Variants in AHI1 observed in about 807,000 individuals in gnomAD.
AHI1 encodes the protein jouberin.
Under a neutral mutation model 149.3 loss-of-function variants are expected in AHI1, and 123 were observed. That is an observed-to-expected ratio of 0.82 (90% confidence interval 0.71 to 0.96). The LOEUF (loss-of-function observed/expected upper bound fraction) is 0.96, where lower values mean the gene tolerates loss of function less well. Ranked by LOEUF, AHI1 falls within the 40% of genes least tolerant of loss-of-function variation. The probability of loss-of-function intolerance (pLI) is 0.00; values close to 1 mark genes in which losing one functional copy is unlikely to be tolerated. For synonymous variants in AHI1, 475 were observed against 459.8 expected (o/e 1.03, Z -0.42); for missense variants, 1,439 against 1,422.7 (o/e 1.01, Z -0.18).
At chr6:135,414,880 T>C (rs1023565345) in intron 20 of AHI1, among the ~76,000 whole-genome samples, 7 of 151,782 alleles carry the variant, frequency 4.6e-5, no homozygotes, top group African/African-American at 7.3e-5. Flanking sequence ...TAGTTACATA[T>C]GTATACATGT....
chr6:135,455,938 A>AAGAT lies in AHI1; in HGVS notation c.1152-16_1152-13dup, dbSNP rs1788874457. On this transcript the variant is annotated splice_polypyrimidine_tract_variant and intron_variant, in intron 9 of 28. Coordinates refer to ENST00000265602, the MANE Select transcript of AHI1 (RefSeq NM_001134831.2). ...AAACAGGCCGTCCACTGTACAAAAA[A>AAGAT]AGATACTTCCATTAACACAATTTTC... 7.2e-7 allele frequency: 1 copy of AAGAT among 1,390,674 alleles called. No homozygotes were observed. Among genetic ancestry groups the AAGAT allele is most frequent in the Non-Finnish European group, 9.4e-7 (1 of 1,059,492 alleles). 86.1% of individuals were successfully genotyped at this position (1,390,674 alleles called of 1,614,324 possible). A position where few individuals can be genotyped will look rare whatever the true frequency, so the allele number is the denominator to read the frequency against.
intron 24 of AHI1, among the ~76,000 whole-genome samples, chr6:135,323,651 T>C (rs999994625): frequency 6.6e-6 from 1 of 152,220 alleles, no homozygotes; most frequent in Non-Finnish European, 1.5e-5. Flanking sequence ...TTAGAATTGT[T>C]TTATACTACC....
At chr6:135,357,589 T>C (rs112897834) in intron 24 of AHI1, among the ~76,000 whole-genome samples, 1,858 of 152,336 alleles carry the variant, frequency 0.012, 11 homozygotes, top group Non-Finnish European at 0.02. Context: ...GATTAGGGAA[T>C]GTACAGTGTA....
chr6:135,287,512 C>T (rs1781833928), intron 28 of AHI1, among the ~76,000 whole-genome samples: 1 of 152,106 alleles, frequency 6.6e-6, no homozygotes, highest in African/African-American at 2.4e-5. Context: ...TTGATGAACG[C>T]TAACAGCAAA....
At chr6:135,307,090 G>A (rs1327667316) in intron 26 of AHI1, 2 of 151,980 alleles carry the variant, frequency 1.3e-5, no homozygotes, top group African/African-American at 2.4e-5. Context: ...ATGGGGAAGC[G>A]GTAAGAGAGG....
chr6:135,290,158 A>C (rs1782161039), intron 28 of AHI1, among the ~76,000 whole-genome samples: 1 of 152,004 alleles, frequency 6.6e-6, no homozygotes. Flanking sequence ...TCTTTCCTTT[A>C]AATTCCAGCT....
In AHI1 at chr6:135,490,416, G is replaced by A. The variant is rs977791413; in HGVS notation, c.135+207C>T. On this transcript the variant is annotated intron_variant, in intron 5 of 28. Coordinates refer to ENST00000265602, the MANE Select transcript of AHI1 (RefSeq NM_001134831.2). Reference sequence around the variant, plus strand: ...TCCCCACTGTGTGTGTGTTCTTCCTGTAGGACAGCACTCAAGAATGAAGTC... The same window carrying A: ...TCCCCACTGTGTGTGTGTTCTTCCTATAGGACAGCACTCAAGAATGAAGTC... 1.1e-5 allele frequency: 7 copies of A among 661,868 alleles called. No homozygotes were observed. The South Asian group carries it at 1.3e-4, about 13-fold the overall frequency. 41.0% of individuals were successfully genotyped at this position (661,868 alleles called of 1,614,324 possible).
chr6:135,344,728 C>A (rs1790922824), intron 24 of AHI1, among the ~76,000 whole-genome samples: 1 of 141,596 alleles, frequency 7.1e-6, no homozygotes, highest in African/African-American at 2.6e-5. Context: ...CCTTTTCTTT[C>A]TTTCCCTTCC....
chr6:135,317,084 C>T (rs978712377), intron 26 of AHI1, among the ~76,000 whole-genome samples: 1 of 152,004 alleles, frequency 6.6e-6, no homozygotes, highest in Non-Finnish European at 1.5e-5. Flanking sequence ...GCTTATGTCC[C>T]CTGACCTCCA....
chr6:135,464,392 T>C (rs1298017188), intron 7 of AHI1, among the ~76,000 whole-genome samples: 1 of 152,098 alleles, frequency 6.6e-6, no homozygotes, highest in Non-Finnish European at 1.5e-5. Flanking sequence ...ACAGAGGTGG[T>C]AGCTATGAGA....
chr6:135,453,454 G>T lies in AHI1; in HGVS notation c.1345-18C>A, dbSNP rs1418817424. The T allele has an allele frequency of 1.3e-6, 2 of 1,498,338 alleles. No individual in the cohort carries two copies. Among genetic ancestry groups the T allele is most frequent in the African/African-American group, 2.8e-5 (2 of 71,776 alleles). The allele number at this position is 1,498,338 out of a possible 1,614,324, so 92.8% of individuals were successfully genotyped here. ...TCAAGAATCTGCAAATAAATTCACA[G>T]AAGACTAAGCTACCTAAAATTTAAT... On this transcript the variant is annotated intron_variant, in intron 10 of 28. Coordinates refer to ENST00000265602, the MANE Select transcript of AHI1 (RefSeq NM_001134831.2).
intron 23 of AHI1, among the ~76,000 whole-genome samples, chr6:135,387,444 T>C (rs1342499656): frequency 6.6e-6 from 1 of 152,176 alleles, no homozygotes; most frequent in African/African-American, 2.4e-5. Flanking sequence ...TTGATTTTAA[T>C]CATCTTAAAA....
chr6:135,312,135 G>A (rs1008666130), intron 26 of AHI1, among the ~76,000 whole-genome samples: 32 of 152,240 alleles, frequency 2.1e-4, no homozygotes, highest in African/African-American at 7.7e-4. Context: ...AAATGATTGA[G>A]GTTTGTTTCC....
At chr6:135,476,333 C>A (rs1260843109) in intron 5 of AHI1, among the ~76,000 whole-genome samples, 1 of 150,828 alleles carries the variant, frequency 6.6e-6, no homozygotes, top group East Asian at 1.9e-4. Context: ...TTAAAATTTT[C>A]TTTTACATTT....
At chr6:135,464,654 T>C (rs534805221) in intron 7 of AHI1, among the ~76,000 whole-genome samples, 20 of 152,326 alleles carry the variant, frequency 1.3e-4, no homozygotes, top group African/African-American at 4.3e-4. Context: ...AGTGGCCATG[T>C]TGTGTGTAGA....
intron 21 of AHI1, among the ~76,000 whole-genome samples, chr6:135,408,765 CCT>C (rs1340179359): frequency 1.3e-5 from 2 of 152,016 alleles, no homozygotes; most frequent in African/African-American, 4.8e-5. Context: ...GTGCACAGCC[CCT>C]GTCTTCAAGG....
intron 23 of AHI1, among the ~76,000 whole-genome samples, chr6:135,368,252 G>C (rs1774478755): frequency 1.3e-5 from 2 of 152,228 alleles, no homozygotes; most frequent in African/African-American, 4.8e-5. Context: ...TAGCAGGGGA[G>C]TGAAGTGGAT....
chr6:135,323,424 G>T (rs1305121072), intron 24 of AHI1, 100 bp from the exon 25 acceptor site: 1 of 1,315,246 alleles, frequency 7.6e-7, no homozygotes, highest in Non-Finnish European at 1.1e-6. Context: ...TGAAACCAAA[G>T]CAGTACTTTG....
chr6:135,385,154 C>T (rs897487232), intron 23 of AHI1, among the ~76,000 whole-genome samples: 3 of 152,130 alleles, frequency 2.0e-5, no homozygotes, highest in African/African-American at 7.2e-5. Flanking sequence ...TCCTATGTTA[C>T]ACCAGCCTCT....
Sources: allele counts gnomAD v4.1 joint callset (sites outside exome capture counted in the v4.1 genomes callset), GRCh38; gene constraint gnomAD v4.1.1; transcripts MANE v1.5; gene names NCBI Gene and HGNC (gene_info 2026-07-23, HGNC 2026-07-21).